Variants in RALY observed in about 807,000 individuals in gnomAD.
The protein encoded by RALY is RNA-binding protein Raly.
RALY carries 15 observed loss-of-function variants against 30.7 expected under a neutral mutation model. The ratio of observed to expected loss-of-function variants is 0.49; its 90% CI spans 0.33 to 0.75. RALY has a LOEUF of 0.75. Among genes scored for constraint, RALY ranks in the 30% least tolerant of loss-of-function variants. The probability of loss-of-function intolerance (pLI) is 0.02; values close to 1 mark genes in which losing one functional copy is unlikely to be tolerated. For synonymous variants in RALY, 177 were observed against 170.8 expected (o/e 1.04, Z -0.28); for missense variants, 339 against 414.3 (o/e 0.82, Z 1.58).
intron 1 of RALY, among the ~76,000 whole-genome samples, chr20:34,014,512 A>G (rs1328167808): frequency 6.6e-6 from 1 of 152,238 alleles, no homozygotes; most frequent in Non-Finnish European, 1.5e-5. Flanking sequence ...TTATAATTTT[A>G]CTATTCCAAG....
chr20:34,019,950 A>G (rs1285942177), intron 1 of RALY, among the ~76,000 whole-genome samples: 2 of 151,926 alleles, frequency 1.3e-5, no homozygotes, highest in African/African-American at 4.8e-5. Flanking sequence ...AGTCCCAGCT[A>G]CTTGGGAGGC....
intron 2 of RALY, among the ~76,000 whole-genome samples, chr20:34,051,089 A>G (rs1013076696): frequency 1.3e-5 from 2 of 152,220 alleles, no homozygotes; most frequent in Non-Finnish European, 2.9e-5. Context: ...AGAAATAGCA[A>G]CGTTTATTCA....
chr20:34,051,364 T>G (rs2033071427), intron 2 of RALY, among the ~76,000 whole-genome samples: 1 of 152,186 alleles, frequency 6.6e-6, no homozygotes, highest in Admixed American at 6.5e-5. Flanking sequence ...CTCGCCACTT[T>G]CTAGTTGTGT....
intron 1 of RALY, among the ~76,000 whole-genome samples, chr20:34,003,862 A>G (rs2031039143): frequency 6.6e-6 from 1 of 151,852 alleles, no homozygotes; most frequent in Non-Finnish European, 1.5e-5. Flanking sequence ...GATGGTCTCG[A>G]TCTCCTGACC....
intron 2 of RALY, among the ~76,000 whole-genome samples, chr20:34,032,619 C>T (rs906185889): frequency 1.3e-5 from 2 of 151,992 alleles, no homozygotes; most frequent in Admixed American, 6.5e-5. Flanking sequence ...CCTCAGCCTC[C>T]CGAGTAGCTG....
rs1163099918 is a variant in RALY at position 34,079,913 on chromosome 20, G to C, written c.*8G>C. 2 of 152,410 alleles carry C rather than the reference G, an allele frequency of 1.3e-5. No homozygotes were observed. The highest frequency in any genetic ancestry group is 4.8e-5 in the African/African-American group (2 of 41,422). The allele number at this position is 152,410 out of a possible 1,614,324, so 9.4% of individuals were successfully genotyped here. On this transcript the variant is annotated 3_prime_UTR_variant, in exon 10 of 10. Coordinates refer to ENST00000246194, the MANE Select transcript of RALY (RefSeq NM_016732.3). ...TTTCTCTCTCTCTCTTTCTCAGCCT[G>C]ACAGGAGCAATGGCCACCAGCAGGT...
intron 2 of RALY, among the ~76,000 whole-genome samples, chr20:34,063,854 G>A (rs528755937): frequency 6.6e-6 from 1 of 152,124 alleles, no homozygotes; most frequent in Non-Finnish European, 1.5e-5. Context: ...AGAGCCTTCC[G>A]TGCTGCTCCT....
At chr20:34,036,357 T>A (rs1265766867) in intron 2 of RALY, among the ~76,000 whole-genome samples, 2 of 152,242 alleles carry the variant, frequency 1.3e-5, no homozygotes, top group African/African-American at 4.8e-5. Context: ...ATGGTCTTTG[T>A]TCTTTATTCT....
intron 1 of RALY, among the ~76,000 whole-genome samples, chr20:33,996,430 T>G (rs958764222): frequency 1.3e-5 from 2 of 152,198 alleles, no homozygotes; most frequent in African/African-American, 2.4e-5. Context: ...GTCAATGGAC[T>G]GAGGACTTTA....
chr20:34,066,696 C>CTT (rs11167226), intron 2 of RALY, among the ~76,000 whole-genome samples: 188 of 146,804 alleles, frequency 1.3e-3, no homozygotes, highest in African/African-American at 2.9e-3. Context: ...GCCTGGGGCT[C>CTT]TTTTTTTTTT....
At chr20:34,012,734 A>G (rs753251769) in intron 1 of RALY, among the ~76,000 whole-genome samples, 7 of 152,250 alleles carry the variant, frequency 4.6e-5, no homozygotes, top group Non-Finnish European at 5.9e-5. Flanking sequence ...CATAAAGGAT[A>G]AAATCTAAAC....
intron 2 of RALY, among the ~76,000 whole-genome samples, chr20:34,039,474 G>A (rs2032617599): frequency 6.6e-6 from 1 of 152,200 alleles, no homozygotes; most frequent in African/African-American, 2.4e-5. Flanking sequence ...TATTCTCCAA[G>A]TGCCTCTTCA....
rs182019468 is a variant in RALY, at chr20:34,046,754, A to T, written c.-10+15150A>T. Among the ~76,000 whole-genome samples the T allele has an allele frequency of 1.1e-3, 163 of 150,474 alleles. 1 individual carries two copies. Among genetic ancestry groups the T allele is most frequent in the African/African-American group, 3.8e-3 (155 of 40,960 alleles). Reference sequence around the variant, plus strand: ...AGGATTCAGTATATACCTGTGTTCCAGTTGTTGCTCTGTGATTTTCTAGCT... The same window carrying T: ...AGGATTCAGTATATACCTGTGTTCCTGTTGTTGCTCTGTGATTTTCTAGCT... On this transcript the variant is annotated intron_variant, in intron 2 of 9. Coordinates refer to ENST00000246194, the MANE Select transcript of RALY (RefSeq NM_016732.3).
intron 2 of RALY, among the ~76,000 whole-genome samples, chr20:34,035,365 G>A (rs8116021): frequency 0.098 from 14,871 of 151,876 alleles, 2,426 homozygotes; most frequent in African/African-American, 0.34. Flanking sequence ...GCACTATACT[G>A]AATGCTCTAC....
intron 1 of RALY, among the ~76,000 whole-genome samples, chr20:34,007,525 A>G (rs2031211646): frequency 6.6e-6 from 1 of 151,580 alleles, no homozygotes; most frequent in African/African-American, 2.4e-5. Context: ...CATCTCAAAA[A>G]AAACAAAACA....
chr20:34,037,375 G>T (rs865956667), intron 2 of RALY, among the ~76,000 whole-genome samples: 1 of 152,198 alleles, frequency 6.6e-6, no homozygotes, highest in Non-Finnish European at 1.5e-5. Context: ...TCTGCAGAAG[G>T]TTGCCTGATA....
At chr20:34,044,676 C>T (rs565391193) in intron 2 of RALY, among the ~76,000 whole-genome samples, 3 of 152,102 alleles carry the variant, frequency 2.0e-5, no homozygotes, top group African/African-American at 7.2e-5. Flanking sequence ...AAGCAAATAT[C>T]AAAAATTGAA....
At chr20:34,071,705 A>G (rs187229586) in intron 2 of RALY, among the ~76,000 whole-genome samples, 2 of 152,284 alleles carry the variant, frequency 1.3e-5, no homozygotes, top group East Asian at 3.9e-4. Context: ...GATGAGCATT[A>G]AAGGAGTAGA....
intron 1 of RALY, among the ~76,000 whole-genome samples, chr20:34,014,231 GC>G (rs2031522727): frequency 6.6e-6 from 1 of 152,150 alleles, no homozygotes; most frequent in Non-Finnish European, 1.5e-5. Context: ...TGAGAACGGG[GC>G]TTGTTAAAGG....
Sources: allele counts gnomAD v4.1 joint callset (sites outside exome capture counted in the v4.1 genomes callset), GRCh38; gene constraint gnomAD v4.1.1; transcripts MANE v1.5; gene names NCBI Gene and HGNC (gene_info 2026-07-23, HGNC 2026-07-21).